Variants in TMEM214 observed in about 807,000 individuals in gnomAD.
TMEM214 encodes transmembrane protein 214.
TMEM214 carries 71 observed loss-of-function variants against 89.8 expected under a neutral mutation model. The observed-to-expected ratio is 0.79, with a 90% CI of 0.65 to 0.96. The LOEUF is 0.96. Among genes scored for constraint, TMEM214 ranks in the 40% least tolerant of loss-of-function variants. The pLI is 0.00. For missense variants in TMEM214, 754 were observed against 843.4 expected (o/e 0.89, Z 1.31); for synonymous variants, 332 against 349.5 (o/e 0.95, Z 0.56).
intron 4 of TMEM214, 82 bp downstream of exon 4, chr2:27,035,810 T>C: frequency 6.3e-7 from 1 of 1,599,948 alleles, no homozygotes; most frequent in Non-Finnish European, 8.6e-7. Context: ...GTGGTTCTGT[T>C]TCCAGCAGAG....
chr2:27,038,487 T>A lies in TMEM214; in HGVS notation c.1248T>A (p.Leu416=). The A allele has an allele frequency of 1.2e-6, 2 of 1,614,012 alleles. No individual in the cohort carries two copies. The highest frequency in any genetic ancestry group is 1.1e-5 in the South Asian group (1 of 91,076). The part of the protein sequence containing the change: ...LYPKHLSQSS[L]LLEHLLSSWE... ...GGGGGTTGTGCTTTCCCCACAGCCT[T>A]CTGCTGGAGCACTTGCTCAGCTCCT... The change falls in exon 11 of 17, where the codon CTT becomes CTA. Residue 416 remains leucine, a synonymous_variant. Transcript: ENST00000238788. The surrounding 1 kb of genome is among the most constrained non-coding windows in gnomAD (Gnocchi z 4.4).
chr2:27,034,876 G>T (rs1022092132), intron 2 of TMEM214, among the ~76,000 whole-genome samples: 13 of 152,176 alleles, frequency 8.5e-5, no homozygotes, highest in African/African-American at 2.2e-4. Flanking sequence ...GAGCCACCGC[G>T]CCTGGCCCTC....
chr2:27,039,021 A>G lies in TMEM214; in HGVS notation c.1408-26A>G, dbSNP rs369578931. ...AAAGACCAGCCCCTCGCTTCTGACA[A>G]CTGTCTCCTGCTCCCCTCCCACCAG... On this transcript the variant is annotated intron_variant, in intron 12 of 16. Coordinates refer to ENST00000238788, the MANE Select transcript of TMEM214 (RefSeq NM_017727.5). 9.7e-5 allele frequency: 157 copies of G among 1,610,342 alleles called. No individual in the cohort carries two copies. Among genetic ancestry groups the G allele is most frequent in the Non-Finnish European group, 1.2e-4 (144 of 1,178,126 alleles).
intron 5 of TMEM214, 42 bp from the exon 6 acceptor site, chr2:27,036,444 GT>G: frequency 6.5e-7 from 1 of 1,534,224 alleles, no homozygotes; most frequent in Middle Eastern, 1.9e-4. Context: ...TGCTCCTGGT[GT>G]TTTGTCCTAT....
intron 1 of TMEM214, 139 bp from the exon 2 acceptor site, chr2:27,033,928 C>A: frequency 1.1e-6 from 1 of 890,200 alleles, no homozygotes. Context: ...GCTCCTTAAG[C>A]AGTCCAAGAG....
Position 27,038,520 on chromosome 2 carries a change from G to T in TMEM214, c.1281G>T (p.Gln427His). ...LLEHLLSSWE[Q>H]IPKKVQKSLQ... The stretch of plus-strand genomic sequence containing the variant: ...AGCACTTGCTCAGCTCCTGGGAGCA[G>T]ATTCCCAAGAAGGTGAGGAGCTGGG... The change falls in exon 11 of 17, where the codon CAG (glutamine) becomes CAT (histidine). Residue 427 changes from glutamine (Q) to histidine (H), a missense_variant. Coordinates refer to ENST00000238788, the MANE Select transcript of TMEM214 (RefSeq NM_017727.5). This position sits in a 1 kb window ranked among gnomAD's most constrained non-coding sequence, Gnocchi z 4.4. 1 of 1,614,102 alleles carries T rather than the reference G, an allele frequency of 6.2e-7. No individual in the cohort carries two copies. The highest frequency in any genetic ancestry group is 8.5e-7 in the Non-Finnish European group (1 of 1,180,004).
At position 27,038,793 on chromosome 2, in the gene TMEM214, T is replaced by C; in HGVS notation, c.1385T>C (p.Val462Ala). 6.2e-7 allele frequency: 1 copy of C among 1,614,086 alleles called. No individual in the cohort carries two copies. Among genetic ancestry groups the C allele is most frequent in the Admixed American group, 1.7e-5 (1 of 60,008 alleles). ...RKGSSNNQDV[V>A]TCDMACKGLL... ...GGTAGCAGTAACAACCAGGATGTCG[T>C]CACCTGTGACATGGCCTGCAAGGTG... The change falls in exon 12 of 17, where the codon GTC becomes GCC. Residue 462 changes from valine (V) to alanine (A), a missense_variant. Physicochemically the swap from Val to Ala is moderately conservative, Grantham distance 64. Coordinates refer to ENST00000238788, the MANE Select transcript of TMEM214 (RefSeq NM_017727.5). This position sits in a 1 kb window ranked among gnomAD's most constrained non-coding sequence, Gnocchi z 4.4.
At chr2:27,033,960 C>T (rs755435696) in intron 1 of TMEM214, 107 bp from the exon 2 acceptor site, 48 of 1,260,080 alleles carry the variant, frequency 3.8e-5, no homozygotes, top group African/African-American at 3.6e-4. Context: ...GAGACAGGCT[C>T]TTCCCTGGAG....
At chr2:27,036,101 G>T in intron 5 of TMEM214, 49 bp downstream of exon 5, 1 of 1,573,294 alleles carries the variant, frequency 6.4e-7, no homozygotes, top group Non-Finnish European at 8.7e-7. Flanking sequence ...GACTGGGGAG[G>T]CTGGGCAGAA....
rs890628985 is a variant in TMEM214 at position 27,035,405 on chromosome 2, AATC to A, written c.502+124_502+126del. The A allele has an allele frequency of 8.2e-6, 12 of 1,462,940 alleles. No individual in the cohort carries two copies. In the African/African-American group the frequency reaches 1.4e-4, roughly 17 times the overall value. 90.6% of individuals were successfully genotyped at this position (1,462,940 alleles called of 1,614,324 possible). On this transcript the variant is annotated intron_variant, in intron 3 of 16. Coordinates refer to ENST00000238788, the MANE Select transcript of TMEM214 (RefSeq NM_017727.5). ...CCATGGGTGATTTGGGCTGGTCTCA[AATC>A]ATCGTGACTGTGAATGTTTCTGGGC...
Position 27,034,340 on chromosome 2 carries a change from T to G in TMEM214, c.351+74T>G, listed in dbSNP as rs115234654. The G allele has an allele frequency of 1.9e-3, 2,872 of 1,495,278 alleles. 54 individuals carry two copies. The African/African-American group carries it at 0.037, about 19-fold the overall frequency. The allele number at this position is 1,495,278 out of a possible 1,614,324, so 92.6% of individuals were successfully genotyped here. A position where few individuals can be genotyped will look rare whatever the true frequency, so the allele number is the denominator to read the frequency against. Reference sequence around the variant, plus strand: ...TAGAGAAGATGAGAGGAGGGGGAGGTGGATGGGCAGCTGAGATCCTATGGG... The same window carrying G: ...TAGAGAAGATGAGAGGAGGGGGAGGGGGATGGGCAGCTGAGATCCTATGGG... On this transcript the variant is annotated intron_variant, in intron 2 of 16. Transcript: ENST00000238788.
At position 27,035,277 on chromosome 2, in the gene TMEM214, A is replaced by T. The variant is rs1405296974; in HGVS notation, c.494A>T (p.His165Leu). 1 of 1,614,240 alleles carries T rather than the reference A, an allele frequency of 6.2e-7. No individual in the cohort carries two copies. The highest frequency in any genetic ancestry group is 1.3e-5 in the African/African-American group (1 of 75,060). ...CTAAGTGAACCCACGCTGAGCCAGC[A>T]TACTCATGGTAAGTCCTTCCAGCTT... is the stretch of plus-strand genomic sequence containing the variant. ...APLSEPTLSQ[H>L]THDYPYSLVS... Residue 165 changes from histidine (H) to leucine (L), a missense_variant, in exon 3 of 17, where the codon CAT becomes CTT. His to Leu is a moderately conservative substitution (Grantham distance 99, BLOSUM62 -3). Transcript: ENST00000238788.
Position 27,038,688 on chromosome 2 carries a change from T to G in TMEM214, c.1294-14T>G. 6.2e-7 allele frequency: 1 copy of G among 1,613,344 alleles called. No individual in the cohort carries two copies. Among genetic ancestry groups the G allele is most frequent in the Non-Finnish European group, 8.5e-7 (1 of 1,179,492 alleles). On this transcript the variant is annotated splice_polypyrimidine_tract_variant and intron_variant, in intron 11 of 16. Coordinates refer to ENST00000238788, the MANE Select transcript of TMEM214 (RefSeq NM_017727.5). This position sits in a 1 kb window ranked among gnomAD's most constrained non-coding sequence, Gnocchi z 4.4. ...TCTGGATTCCCTCACAGGCCAGACCTTTCTTGTCCATAGGTACAGAAGTCT... is the reference window on the plus strand; with the variant it reads ...TCTGGATTCCCTCACAGGCCAGACCGTTCTTGTCCATAGGTACAGAAGTCT...
Position 27,040,356 on chromosome 2 carries a change from G to A in TMEM214, c.1803G>A (p.Gln601=), listed in dbSNP as rs770578850. 7 of 1,614,170 alleles carry A rather than the reference G, an allele frequency of 4.3e-6. No individual in the cohort carries two copies. The Admixed American group carries it at 1.0e-4, about 23-fold the overall frequency. ...LTSLSQRLQI[Q]LPDSVNQLLR... is the part of the protein sequence containing the mutation. ...TCTCCATGGTCCAGCTACAGATCCA[G>A]CTCCCCGATTCCGTGAATCAGCTAC... is the stretch of plus-strand genomic sequence containing the variant. The change falls in exon 16 of 17, where the codon CAG becomes CAA. Residue 601 remains glutamine (Q), a synonymous_variant. Coordinates refer to ENST00000238788, the MANE Select transcript of TMEM214 (RefSeq NM_017727.5).
At chr2:27,034,986 ATTGCAGCATTCCATGTTC>A in intron 2 of TMEM214, 131 bp from the exon 3 acceptor site, 1 of 839,796 alleles carries the variant, frequency 1.2e-6, no homozygotes, top group Non-Finnish European at 1.9e-6. Context: ...GTACAGCAGA[ATTGCAGCATTCCATGTTC>A]TTATGCTTAA....
rs546884963 is a variant in TMEM214, at chr2:27,037,633, C to T, written c.1083C>T (p.Thr361=). The T allele has an allele frequency of 5.0e-6, 8 of 1,614,184 alleles. No homozygotes were observed. The highest frequency in any genetic ancestry group is 3.3e-5 in the South Asian group (3 of 91,082). The part of the protein sequence containing the change: ...VLAFGAKPDS[T]LHTYFPSFLS... ...CATTTGGAGCAAAGCCGGATTCCACCCTGCATACCTACTTCCCTTCTTTCC... is the reference window on the plus strand; with the variant it reads ...CATTTGGAGCAAAGCCGGATTCCACTCTGCATACCTACTTCCCTTCTTTCC... The change falls in exon 9 of 17, where the codon ACC becomes ACT. Residue 361 remains threonine, a synonymous_variant. Coordinates refer to ENST00000238788, the MANE Select transcript of TMEM214 (RefSeq NM_017727.5).
rs1667781012 is a variant in TMEM214 at position 27,040,350 on chromosome 2, G to C, written c.1797G>C (p.Gln599His). The C allele has an allele frequency of 6.2e-7, 1 of 1,614,200 alleles. No individual in the cohort carries two copies. The highest frequency in any genetic ancestry group is 8.5e-7 in the Non-Finnish European group (1 of 1,180,030). The change falls in exon 16 of 17, where the codon CAG becomes CAC. Residue 599 changes from glutamine to histidine, a missense_variant. Physicochemically the swap from Gln to His is conservative, Grantham distance 24. Coordinates refer to ENST00000238788, the MANE Select transcript of TMEM214 (RefSeq NM_017727.5). Reference protein sequence around the residue: ...DSLTSLSQRLQIQLPDSVNQL... With the variant: ...DSLTSLSQRLHIQLPDSVNQL... ...ATCCATTCTCCATGGTCCAGCTACA[G>C]ATCCAGCTCCCCGATTCCGTGAATC... is the stretch of plus-strand genomic sequence containing the variant.
chr2:27,035,565 G>A (rs1177409621), intron 3 of TMEM214, 29 bp from the exon 4 acceptor site: 1 of 1,613,258 alleles, frequency 6.2e-7, no homozygotes, highest in East Asian at 2.2e-5. Flanking sequence ...TCTGGTCCTA[G>A]CACTCACATT....
chr2:27,034,601 CTTTT>C (rs67511175), intron 2 of TMEM214: 285 of 161,664 alleles, frequency 1.8e-3, no homozygotes, highest in South Asian at 5.0e-3. Flanking sequence ...CTGTTTTCCT[CTTTT>C]TTTTTTTTTT....
Sources: gnomAD v4.1 joint callset for allele counts (sites outside exome capture counted in the v4.1 genomes callset) on GRCh38, gnomAD v4.1.1 for gene constraint, Gnocchi (gnomAD v3.1) non-coding constraint, MANE v1.5 for transcripts, NCBI Gene and HGNC (gene_info 2026-07-23, HGNC 2026-07-21) for gene names.